The following AVEN variants were observed in gnomAD, a reference collection of about 807,000 sequenced individuals.
AVEN encodes the protein apoptosis and caspase activation inhibitor.
A neutral mutation model predicts 38.1 loss-of-function variants in AVEN; 41 were observed. That is an observed-to-expected ratio of 1.08 (90% CI 0.84 to 1.40). The LOEUF (loss-of-function observed/expected upper bound fraction) is 1.40. Among genes scored for constraint, AVEN ranks in the 40% most tolerant of loss-of-function variants. AVEN has a pLI of 0.00. For missense variants in AVEN, 605 were observed against 438.8 expected, an observed-to-expected ratio of 1.38 and a Z score of -3.38; for synonymous variants, 206 against 171.8, an observed-to-expected ratio of 1.20 and a Z score of -1.56.
intron 1 of AVEN, among the ~76,000 whole-genome samples, chr15:34,073,032 CT>C (rs67627511): frequency 0.95 from 141,516 of 148,432 alleles, 67,458 homozygotes; most frequent in East Asian, 1. Flanking sequence ...TGTACAGACA[CT>C]TTTTTTTTTT....
At chr15:33,854,727 G>C (rs770616302), downstream of AVEN, 1 of 1,576,356 alleles carries the variant, frequency 6.3e-7, no homozygotes, top group South Asian at 1.2e-5. Context: ...CACACTATGA[G>C]GCAAACATGC....
intron 2 of AVEN, among the ~76,000 whole-genome samples, chr15:33,959,482 T>A (rs1895085285): frequency 6.6e-6 from 1 of 152,116 alleles, no homozygotes; most frequent in African/African-American, 2.4e-5. Flanking sequence ...CACTACTCCC[T>A]ACACTTCAGT....
At chr15:33,928,664 T>C (rs1442557515) in intron 2 of AVEN, among the ~76,000 whole-genome samples, 1 of 152,050 alleles carries the variant, frequency 6.6e-6, no homozygotes, top group Non-Finnish European at 1.5e-5. Context: ...CCTGACTTGA[T>C]TGCCACATGA....
chr15:33,892,478 T>C (rs1474572218), intron 2 of AVEN, among the ~76,000 whole-genome samples: 2 of 151,958 alleles, frequency 1.3e-5, no homozygotes, highest in African/African-American at 2.4e-5. Flanking sequence ...ATTTATTAAA[T>C]AGGGAATCCT....
At chr15:33,855,108 C>G (rs11853646), downstream of AVEN, among the ~76,000 whole-genome samples, 13,048 of 152,158 alleles carry the variant, frequency 0.086, 850 homozygotes, top group African/African-American at 0.17. Flanking sequence ...CAACCATCAT[C>G]TAAAAAGCAT....
At chr15:33,883,727 T>C (rs1245974174) in intron 2 of AVEN, 2 of 152,236 alleles carry the variant, frequency 1.3e-5, no homozygotes, top group Non-Finnish European at 2.9e-5. Flanking sequence ...CATTTTCCAG[T>C]TGAATCATCC....
chr15:33,919,394 T>C (rs1477324063), intron 2 of AVEN, among the ~76,000 whole-genome samples: 4 of 152,086 alleles, frequency 2.6e-5, no homozygotes, highest in Non-Finnish European at 5.9e-5. Flanking sequence ...GAAAGACAAA[T>C]TGGTATCTCT....
chr15:33,904,690 AAAAAATATAT>A (rs765349015), intron 2 of AVEN, among the ~76,000 whole-genome samples: 22 of 108,300 alleles, frequency 2.0e-4, no homozygotes, highest in Middle Eastern at 4.5e-3. Flanking sequence ...TTTAAAAAAA[AAAAAATATAT>A]ATATATATAT....
At chr15:34,050,730 C>A (rs181795133) in intron 5 of AVEN, among the ~76,000 whole-genome samples, 3 of 152,080 alleles carry the variant, frequency 2.0e-5, no homozygotes, top group Admixed American at 2.0e-4. Flanking sequence ...GACTTTAAAC[C>A]AATAAGATCA....
downstream of AVEN, chr15:33,864,681 G>C (rs1024292217): frequency 2.8e-5 from 5 of 175,680 alleles, no homozygotes; most frequent in Non-Finnish European, 6.1e-5. Flanking sequence ...GGAGGAAAAA[G>C]TCAGTTATCA....
In AVEN at chr15:33,883,589, A is replaced by G. The variant is rs192994683; in HGVS notation, c.446-7594T>C. ...GATACATATATAGATATAAAGATAT[A>G]TAAGTATGTATATCACAAAAAATAC... is the stretch of plus-strand genomic sequence containing the variant. On this transcript the variant is annotated intron_variant, in intron 2 of 5. Coordinates refer to ENST00000306730, the MANE Select transcript of AVEN (RefSeq NM_020371.3). 2.0e-4 allele frequency: 31 copies of G among 152,334 alleles called. No individual in the cohort carries two copies. The East Asian group carries it at 2.3e-3, about 11-fold the overall frequency. 9.4% of individuals were successfully genotyped at this position (152,334 alleles called of 1,614,324 possible). A position where few individuals can be genotyped will look rare whatever the true frequency, so the allele number is the denominator to read the frequency against.
chr15:33,996,010 T>C (rs1387215568), intron 2 of AVEN, among the ~76,000 whole-genome samples: 4 of 47,512 alleles, frequency 8.4e-5, no homozygotes, highest in Non-Finnish European at 1.6e-4. Context: ...TCTTAGCAAA[T>C]GGCACACCAG....
intron 2 of AVEN, among the ~76,000 whole-genome samples, chr15:33,985,359 G>C (rs576293149): frequency 6.6e-6 from 1 of 150,996 alleles, no homozygotes; most frequent in Non-Finnish European, 1.5e-5. Flanking sequence ...TACAGGGAAG[G>C]AACACTGAGC....
At chr15:33,910,347 G>C (rs988347282) in intron 2 of AVEN, among the ~76,000 whole-genome samples, 4 of 151,932 alleles carry the variant, frequency 2.6e-5, no homozygotes, top group Non-Finnish European at 5.9e-5. Context: ...ATCACTAACA[G>C]GAAAGAAAAA....
downstream of AVEN, chr15:33,855,000 A>G (rs1315112099): frequency 7.7e-7 from 1 of 1,290,752 alleles, no homozygotes; most frequent in Non-Finnish European, 1.0e-6. Flanking sequence ...TATGACAGGA[A>G]GGAATATGTC....
chr15:33,854,740 A>G, downstream of AVEN: 2 of 1,582,850 alleles, frequency 1.3e-6, no homozygotes, highest in Non-Finnish European at 8.6e-7. Context: ...AAACATGCTT[A>G]AAAGTCTGCT....
intron 5 of AVEN, 111 bp from the exon 6 acceptor site, chr15:33,866,839 C>T: frequency 1.3e-6 from 1 of 746,652 alleles, no homozygotes. Flanking sequence ...TCTCATTATT[C>T]TTACTCCCTA....
At chr15:33,901,082 T>A (rs12593899) in intron 2 of AVEN, among the ~76,000 whole-genome samples, 1 of 151,826 alleles carries the variant, frequency 6.6e-6, no homozygotes, top group Non-Finnish European at 1.5e-5. Flanking sequence ...CTGGCTAACA[T>A]GGTGAAACCC....
intron 11 of AVEN, chr15:33,859,804 T>A: frequency 6.9e-7 from 1 of 1,448,054 alleles, no homozygotes; most frequent in Non-Finnish European, 9.4e-7. Context: ...ATCTATGACT[T>A]AATTGGTTTA....
Sources: gnomAD v4.1 joint callset for allele counts (sites outside exome capture counted in the v4.1 genomes callset) on GRCh38, gnomAD v4.1.1 for gene constraint, MANE v1.5 for transcripts, NCBI Gene and HGNC (gene_info 2026-07-23, HGNC 2026-07-21) for gene names.